The following CCDC88B variants were observed in gnomAD, a reference collection of about 807,000 sequenced individuals.
CCDC88B encodes the protein coiled-coil domain-containing protein 88B.
CCDC88B carries 138 observed loss-of-function variants against 183.7 expected under a neutral mutation model. That is an observed-to-expected ratio of 0.75 (90% confidence interval 0.65 to 0.87). The LOEUF is 0.87. CCDC88B is among the 40% of genes least tolerant of loss of function. The pLI is 0.00. For synonymous variants in CCDC88B, 835 were observed against 867.5 expected, an observed-to-expected ratio of 0.96 and a Z score of 0.66; for missense variants, 1,822 against 1,965.6, an observed-to-expected ratio of 0.93 and a Z score of 1.38.
At chr11:64,349,520 T>TGGGGTGGGGGGGGGGGGGGGGGGGGGG in intron 15 of CCDC88B, 31 bp from the exon 16 acceptor site, 1 of 423,986 alleles carries the variant, frequency 2.4e-6, no homozygotes, top group African/African-American at 3.3e-5. Flanking sequence ...GAGGGTGGGG[T>TGGGGTGGGGGGGGGGGGGGGGGGGGGG]GGGGCTGGGT....
intron 1 of CCDC88B, 75 bp downstream of exon 1, chr11:64,340,401 G>C: frequency 7.8e-7 from 1 of 1,286,446 alleles, no homozygotes; most frequent in East Asian, 2.9e-5. Flanking sequence ...CGCTGGCCGG[G>C]GGAGGGTGAG....
Position 64,344,468 on chromosome 11 carries a change from C to A in CCDC88B, c.1927C>A (p.Gln643Lys). 6.3e-7 allele frequency: 1 copy of A among 1,593,962 alleles called. No homozygotes were observed. Among genetic ancestry groups the A allele is most frequent in the Non-Finnish European group, 8.5e-7 (1 of 1,170,098 alleles). Residue 643 changes from glutamine to lysine, a missense_variant, in exon 14 of 27, where the codon CAG (glutamine) becomes AAG (lysine). Coordinates refer to ENST00000356786, the MANE Select transcript of CCDC88B (RefSeq NM_032251.6). The surrounding 1 kb of genome is among the most constrained non-coding windows in gnomAD (Gnocchi z 4.5). ...ELVPEAWGLR[Q>K]EGPEHKPGPS... ...GGTGCCTGAGGCCTGGGGGTTGAGA[C>A]AGGAGGGCCCTGAGCACAAGCCAGG...
In CCDC88B at chr11:64,352,236, G is replaced by A. The variant is rs374821781; in HGVS notation, c.3206G>A (p.Gly1069Glu). The stretch of plus-strand genomic sequence containing the variant: ...CGGCAGTCCCAGGAGGAGACCCGCG[G>A]GCAGCAGCAGGCCCTGCTTCGGGAC... ...AARQSQEETR[G>E]QQQALLRDHK... The change falls in exon 19 of 27, where the codon GGG becomes GAG. Residue 1069 changes from glycine (G) to glutamate (E), a missense_variant. Transcript: ENST00000356786. 2 of 1,608,288 alleles carry A rather than the reference G, an allele frequency of 1.2e-6. No individual in the cohort carries two copies. Among genetic ancestry groups the A allele is most frequent in the African/African-American group, 1.3e-5 (1 of 74,726 alleles).
At chr11:64,355,661 T>C (rs374547605) in intron 26 of CCDC88B, 33 bp downstream of exon 26, 20 of 1,561,414 alleles carry the variant, frequency 1.3e-5, no homozygotes, top group Non-Finnish European at 1.7e-5. Flanking sequence ...AGTAGTATTC[T>C]TTGTCCTGCC....
intron 16 of CCDC88B, 62 bp from the exon 17 acceptor site, chr11:64,351,098 C>T: frequency 7.8e-7 from 1 of 1,285,924 alleles, no homozygotes; most frequent in Non-Finnish European, 1.0e-6. Context: ...AGCGCAGGTC[C>T]TTGAGGCATC....
chr11:64,356,991 G>C, intron 26 of CCDC88B, 48 bp from the exon 27 acceptor site: 1 of 1,520,364 alleles, frequency 6.6e-7, no homozygotes, highest in Non-Finnish European at 8.8e-7. Context: ...CTGGGACTCT[G>C]GGAGTCCTCC....
In CCDC88B at chr11:64,357,454, G is replaced by C; in HGVS notation, c.*360G>C. ...AGGTGGGAAGCTGAGTCCCAGTGCT[G>C]GGGGACTGTGGCCTGGGCTGATCTT... On this transcript the variant is annotated 3_prime_UTR_variant, in exon 27 of 27. Transcript: ENST00000356786. 1.4e-6 allele frequency: 1 copy of C among 716,972 alleles called. No individual in the cohort carries two copies. Among genetic ancestry groups the C allele is most frequent in the East Asian group, 2.7e-5 (1 of 37,328 alleles). 44.4% of individuals were successfully genotyped at this position (716,972 alleles called of 1,614,324 possible). A position where few individuals can be genotyped will look rare whatever the true frequency, so the allele number is the denominator to read the frequency against.
Position 64,344,587 on chromosome 11 carries a change from T to C in CCDC88B, c.2046T>C (p.His682=), listed in dbSNP as rs571031654. ...CGGGACAAGCAGAGGCCAGAGAGCA[T>C]GACCAGAGGCTGGAAGGGACGGTCA... ...LATGQAEARE[H]DQRLEGTVRD... The change falls in exon 14 of 27, where the codon CAT becomes CAC. Residue 682 remains histidine, a synonymous_variant. Coordinates refer to ENST00000356786, the MANE Select transcript of CCDC88B (RefSeq NM_032251.6). This position sits in a 1 kb window ranked among gnomAD's most constrained non-coding sequence, Gnocchi z 4.5. The C allele has an allele frequency of 6.2e-7, 1 of 1,609,780 alleles. No individual in the cohort carries two copies. Among genetic ancestry groups the C allele is most frequent in the South Asian group, 1.1e-5 (1 of 90,608 alleles).
intron 17 of CCDC88B, 64 bp from the exon 18 acceptor site, chr11:64,351,412 C>T: frequency 6.5e-7 from 1 of 1,545,222 alleles, no homozygotes; most frequent in African/African-American, 1.4e-5. Context: ...TGAGTGTGGG[C>T]CTGTGGTAGG....
intron 24 of CCDC88B, among the ~76,000 whole-genome samples, 192 bp downstream of exon 24, chr11:64,354,362 C>A (rs1459212631): frequency 6.6e-6 from 1 of 152,116 alleles, no homozygotes; most frequent in Non-Finnish European, 1.5e-5. Flanking sequence ...CCCACACCTC[C>A]CTCCTGCCTG....
Position 64,353,222 on chromosome 11 carries a change from G to A in CCDC88B, c.3669G>A (p.Arg1223=). 6.4e-7 allele frequency: 1 copy of A among 1,565,590 alleles called. No individual in the cohort carries two copies. The highest frequency in any genetic ancestry group is 8.7e-7 in the Non-Finnish European group (1 of 1,154,762). The part of the protein sequence containing the change: ...SNQQLDLSAC[R]LTTQCELLTQ... ...AGCAGCTGGACCTGAGCGCCTGCCG[G>A]CTGACCACGCAGTGTGAGGTGTGGC... The change falls in exon 21 of 27, where the codon CGG becomes CGA. Residue 1223 remains arginine, a synonymous_variant. Transcript: ENST00000356786.
intron 24 of CCDC88B, among the ~76,000 whole-genome samples, chr11:64,354,685 G>C (rs1314174963): frequency 3.4e-5 from 1 of 29,632 alleles, no homozygotes; most frequent in Non-Finnish European, 6.9e-5. Context: ...CCCTGCATGA[G>C]CCTCCGCCCC....
intron 10 of CCDC88B, 54 bp from the exon 11 acceptor site, chr11:64,343,125 C>T: frequency 6.8e-7 from 1 of 1,473,404 alleles, no homozygotes. Flanking sequence ...GACCCTCAGG[C>T]GCTGGAGTGC....
In CCDC88B at chr11:64,351,501, C is replaced by T; in HGVS notation, c.2984C>T (p.Ala995Val). 1 of 1,587,584 alleles carries T rather than the reference C, an allele frequency of 6.3e-7. No individual in the cohort carries two copies. ...RSNAMLVAEKAALQGQLQHLE... is the reference protein window; with the variant it reads ...RSNAMLVAEKVALQGQLQHLE... ...AATGCGATGCTGGTGGCAGAGAAGGCAGCTTTGCAGGGGCAGCTGCAGCAC... is the reference window on the plus strand; with the variant it reads ...AATGCGATGCTGGTGGCAGAGAAGGTAGCTTTGCAGGGGCAGCTGCAGCAC... The change falls in exon 18 of 27, where the codon GCA becomes GTA. Residue 995 changes from alanine (A) to valine (V), a missense_variant. Transcript: ENST00000356786.
At position 64,352,188 on chromosome 11, in the gene CCDC88B, TGGA is replaced by T; in HGVS notation, c.3167_3169del (p.Glu1056del). 6.2e-7 allele frequency: 1 copy of T among 1,606,590 alleles called. No homozygotes were observed. Among genetic ancestry groups the T allele is most frequent in the Non-Finnish European group, 8.5e-7 (1 of 1,174,732 alleles). On this transcript the variant is annotated inframe_deletion, in exon 19 of 27. Coordinates refer to ENST00000356786, the MANE Select transcript of CCDC88B (RefSeq NM_032251.6). ...GAGCTGCACCGGAAGCTGGAGGTGC[TGGA>T]GGAGGAGGTGCGGGCGGCACGGCAG...
Position 64,349,336 on chromosome 11 carries a change from G to A in CCDC88B, c.2622G>A (p.Leu874=). 1.2e-6 allele frequency: 2 copies of A among 1,606,916 alleles called. No individual in the cohort carries two copies. The highest frequency in any genetic ancestry group is 2.2e-5 in the South Asian group (2 of 90,092). The change falls in exon 15 of 27, where the codon CTG becomes CTA. Residue 874 remains leucine, a synonymous_variant. Coordinates refer to ENST00000356786, the MANE Select transcript of CCDC88B (RefSeq NM_032251.6). ...CCTGCTCTGCTTGCCCTCAGGAGCT[G>A]GAGAAAGCTGTGGTGCGGGGCAAGG... ...RREKEALQAE[L]EKAVVRGKEL... is the part of the protein sequence containing the mutation.
chr11:64,353,421 G>T lies in CCDC88B; in HGVS notation c.3758G>T (p.Ser1253Ile), dbSNP rs765416677. 1 of 1,613,388 alleles carries T rather than the reference G, an allele frequency of 6.2e-7. No homozygotes were observed. The highest frequency in any genetic ancestry group is 8.5e-7 in the Non-Finnish European group (1 of 1,179,984). ...CTGCTGGCTGAAGTTCAGGCCCTGA[G>T]CCGGGAGAACAGGGAGCTCCTGGAG... ...RQLLAEVQAL[S>I]RENRELLERS... is the part of the protein sequence containing the mutation. The change falls in exon 22 of 27, where the codon AGC becomes ATC. Residue 1253 changes from serine (S) to isoleucine (I), a missense_variant. Coordinates refer to ENST00000356786, the MANE Select transcript of CCDC88B (RefSeq NM_032251.6).
rs1392317853 is a variant in CCDC88B at position 64,341,017 on chromosome 11, A to T, written c.317A>T (p.Gln106Leu). The change falls in exon 3 of 27, where the codon CAG (glutamine) becomes CTG (leucine). Residue 106 changes from glutamine (Q) to leucine (L), a missense_variant and splice_region_variant. Coordinates refer to ENST00000356786, the MANE Select transcript of CCDC88B (RefSeq NM_032251.6). The part of the protein sequence containing the change: ...HLWGRLRDFY[Q>L]EELQLLILSP... ...TGGGGCCGACTGAGGGACTTCTACC[A>T]GGTAAGGGGTCTCGAGGGAAAGGCG... 3 of 1,610,964 alleles carry T rather than the reference A, an allele frequency of 1.9e-6. No individual in the cohort carries two copies. Among genetic ancestry groups the T allele is most frequent in the Non-Finnish European group, 2.5e-6 (3 of 1,178,174 alleles).
intron 26 of CCDC88B, 148 bp downstream of exon 26, chr11:64,355,776 G>A: frequency 1.5e-6 from 1 of 647,000 alleles, no homozygotes; most frequent in Non-Finnish European, 2.6e-6. Context: ...GGAACGTTCT[G>A]GTGTGAGGAG....
Sources: gnomAD v4.1 joint callset for allele counts (sites outside exome capture counted in the v4.1 genomes callset) on GRCh38, gnomAD v4.1.1 for gene constraint, Gnocchi (gnomAD v3.1) non-coding constraint, MANE v1.5 for transcripts, NCBI Gene and HGNC (gene_info 2026-07-23, HGNC 2026-07-21) for gene names.